C7orf78: variants seen among roughly 807,000 people sequenced by gnomAD.
The protein encoded by C7orf78 is putative uncharacterized protein C7orf78.
the C7orf78 span, among the ~76,000 whole-genome samples, chr7:12,508,683 A>G: frequency 1.3e-5 from 2 of 152,226 alleles, no homozygotes; most frequent in African/African-American, 4.8e-5. Flanking sequence ...AGGCCACACA[A>G]CAGGAGGTGA....
At chr7:12,487,348 T>C in the C7orf78 span, among the ~76,000 whole-genome samples, 1 of 152,024 alleles carries the variant, frequency 6.6e-6, no homozygotes, top group African/African-American at 2.4e-5. Context: ...ATTAGAATAC[T>C]GAAATAAACT....
the C7orf78 span, among the ~76,000 whole-genome samples, chr7:12,517,066 TAGTTTA>T: frequency 1.8e-4 from 28 of 152,142 alleles, no homozygotes; most frequent in Non-Finnish European, 4.0e-4. Context: ...TGGAATGACA[TAGTTTA>T]ACTGTGTCCC....
At chr7:12,514,328 G>A in the C7orf78 span, among the ~76,000 whole-genome samples, 6 of 151,400 alleles carry the variant, frequency 4.0e-5, no homozygotes, top group Non-Finnish European at 8.8e-5. Flanking sequence ...TATTTTTACT[G>A]TTTTTAACTT....
At chr7:12,532,290 C>A in the C7orf78 span, among the ~76,000 whole-genome samples, 1 of 152,190 alleles carries the variant, frequency 6.6e-6, no homozygotes, top group Non-Finnish European at 1.5e-5. Flanking sequence ...TGGCTCACGC[C>A]TGTAATCCCA....
the C7orf78 span, among the ~76,000 whole-genome samples, chr7:12,512,421 C>A: frequency 2.0e-5 from 3 of 152,032 alleles, no homozygotes; most frequent in Non-Finnish European, 4.4e-5. Context: ...TTATCAAATT[C>A]TTTTTCTGCA....
chr7:12,507,589 T>C, the C7orf78 span: 1 of 153,422 alleles, frequency 6.5e-6, no homozygotes, highest in Non-Finnish European at 1.5e-5. Flanking sequence ...GCGTAGGTTT[T>C]GATGTTGAAA....
At chr7:12,531,968 G>A in the C7orf78 span, among the ~76,000 whole-genome samples, 4 of 152,116 alleles carry the variant, frequency 2.6e-5, no homozygotes, top group Admixed American at 6.5e-5. Context: ...AGATTGATTC[G>A]ATTAGATATG....
At chr7:12,499,545 A>G in the C7orf78 span, among the ~76,000 whole-genome samples, 2 of 148,900 alleles carry the variant, frequency 1.3e-5, no homozygotes, top group Non-Finnish European at 3.0e-5. Context: ...CTAAATATAT[A>G]TGCACCCAAT....
At chr7:12,497,851 AG>A in the C7orf78 span, among the ~76,000 whole-genome samples, 1 of 151,122 alleles carries the variant, frequency 6.6e-6, no homozygotes. Flanking sequence ...AGCTTTGAAG[AG>A]AGCAGTGGTT....
chr7:12,495,219 A>G, the C7orf78 span, among the ~76,000 whole-genome samples: 1 of 152,172 alleles, frequency 6.6e-6, no homozygotes, highest in Non-Finnish European at 1.5e-5. Context: ...CTTACGCTGT[A>G]AATTTGTTAC....
At chr7:12,531,205 A>G in the C7orf78 span, 4 of 394,192 alleles carry the variant, frequency 1.0e-5, no homozygotes, top group Non-Finnish European at 1.8e-5. Flanking sequence ...CTCTACTGTC[A>G]TAGGAACTAT....
the C7orf78 span, among the ~76,000 whole-genome samples, chr7:12,521,869 T>C: frequency 6.6e-6 from 1 of 151,966 alleles, no homozygotes; most frequent in African/African-American, 2.4e-5. Context: ...TCCTATCATA[T>C]CATTTTTCAC....
chr7:12,496,768 A>G, the C7orf78 span: 3 of 152,248 alleles, frequency 2.0e-5, no homozygotes, highest in African/African-American at 7.2e-5. Context: ...TGCTTTTGAT[A>G]AAGAACCATA....
the C7orf78 span, among the ~76,000 whole-genome samples, chr7:12,520,818 A>G: frequency 6.6e-6 from 1 of 152,076 alleles, no homozygotes; most frequent in Admixed American, 6.5e-5. Flanking sequence ...CTAAAAGTGG[A>G]GTTTTGAGGT....
At chr7:12,538,045 CA>C in the C7orf78 span, among the ~76,000 whole-genome samples, 1 of 152,248 alleles carries the variant, frequency 6.6e-6, no homozygotes, top group South Asian at 2.1e-4. Context: ...TTCTGGGTCC[CA>C]GAAATGTAGT....
chr7:12,529,305 A>C, the C7orf78 span, among the ~76,000 whole-genome samples: 1 of 152,202 alleles, frequency 6.6e-6, no homozygotes, highest in African/African-American at 2.4e-5. Flanking sequence ...AGTTAAAAGC[A>C]TGGCTTCTGA....
the C7orf78 span, among the ~76,000 whole-genome samples, chr7:12,518,148 T>C: frequency 1.3e-5 from 2 of 152,210 alleles, no homozygotes; most frequent in African/African-American, 4.8e-5. Context: ...ATGTTAGTGG[T>C]ATCTGTGATT....
At chr7:12,541,539 G>A in the C7orf78 span, 1 of 151,938 alleles carries the variant, frequency 6.6e-6, no homozygotes, top group African/African-American at 2.4e-5. Flanking sequence ...AAAAAAATAG[G>A]AAAGTTTAAT....
At chr7:12,532,854 G>C in the C7orf78 span, among the ~76,000 whole-genome samples, 1 of 152,180 alleles carries the variant, frequency 6.6e-6, no homozygotes, top group Non-Finnish European at 1.5e-5. Context: ...AGAGTGAACA[G>C]TCAGCAGACA....
Sources: gnomAD v4.1 joint callset for allele counts (sites outside exome capture counted in the v4.1 genomes callset) on GRCh38, gnomAD v4.1.1 for gene constraint, MANE v1.5 for transcripts, NCBI Gene and HGNC (gene_info 2026-07-23, HGNC 2026-07-21) for gene names.